The following SLC9A7 variants were observed in gnomAD, a reference collection of about 807,000 sequenced individuals.
SLC9A7 encodes sodium/hydrogen exchanger 7.
A neutral mutation model predicts 52.6 loss-of-function variants in SLC9A7; 19 were observed. The observed-to-expected ratio is 0.36, with a 90% CI of 0.25 to 0.53. The LOEUF (loss-of-function observed/expected upper bound fraction) is 0.53. SLC9A7 is among the 20% of genes least tolerant of loss of function. SLC9A7 has a pLI of 0.91. For missense variants in SLC9A7, 455 were observed against 597.9 expected (o/e 0.76, Z 2.49); for synonymous variants, 226 against 252.1 (o/e 0.90, Z 0.98).
chrX:46,621,114 A>T (rs1943039403), intron 14 of SLC9A7, 55 bp from the exon 15 acceptor site: 3 of 835,648 alleles, frequency 3.6e-6, no homozygotes, highest in Non-Finnish European at 5.2e-6. Context: ...TCTCAAAGAA[A>T]GGGGAAAAAA....
chrX:46,660,971 C>T (rs1943806844), intron 7 of SLC9A7, among the ~76,000 whole-genome samples: 1 of 109,217 alleles, frequency 9.2e-6, no homozygotes, highest in South Asian at 4.0e-4. Context: ...GGAACCAACC[C>T]AAATGTCCAA....
At chrX:46,635,958 A>T (rs925848074) in intron 12 of SLC9A7, among the ~76,000 whole-genome samples, 17 of 111,945 alleles carry the variant, frequency 1.5e-4, no homozygotes, top group African/African-American at 4.6e-4. Context: ...AATTTACATA[A>T]TTTTTTCAGA....
At chrX:46,679,853 A>G in intron 2 of SLC9A7, 98 bp from the exon 3 acceptor site, 1 of 543,396 alleles carries the variant, frequency 1.8e-6, no homozygotes, top group Non-Finnish European at 3.0e-6. Flanking sequence ...TAAAGTTTGA[A>G]TATTTAGAGC....
At chrX:46,669,535 T>C (rs1569514380) in intron 5 of SLC9A7, 72 bp downstream of exon 5, 3 of 547,322 alleles carry the variant, frequency 5.5e-6, no homozygotes, top group Non-Finnish European at 8.4e-6. Context: ...AAGTTAATGA[T>C]TGCTCTGAAC....
At chrX:46,615,483 T>C (rs937888258) in intron 15 of SLC9A7, among the ~76,000 whole-genome samples, 2 of 110,440 alleles carry the variant, frequency 1.8e-5, no homozygotes, top group African/African-American at 6.6e-5. Context: ...GCTCAGAAGA[T>C]GACAGAGGCT....
At chrX:46,654,715 C>T (rs1943641885) in intron 7 of SLC9A7, among the ~76,000 whole-genome samples, 1 of 110,910 alleles carries the variant, frequency 9.0e-6, no homozygotes, top group Non-Finnish European at 1.9e-5. Context: ...GAGACAGCTA[C>T]CAGGTGCTGG....
intron 15 of SLC9A7, among the ~76,000 whole-genome samples, chrX:46,618,468 C>G (rs1278698479): frequency 9.0e-6 from 1 of 110,576 alleles, no homozygotes; most frequent in Non-Finnish European, 1.9e-5. Context: ...ATTGCCCATG[C>G]TTGTCACTCA....
At chrX:46,654,638 C>A (rs778156565) in intron 7 of SLC9A7, among the ~76,000 whole-genome samples, 1 of 110,294 alleles carries the variant, frequency 9.1e-6, no homozygotes, top group African/African-American at 3.3e-5. Context: ...TGTGCACCAC[C>A]GAGGCCACCT....
chrX:46,723,987 A>G (rs1569523723), intron 1 of SLC9A7, among the ~76,000 whole-genome samples: 2 of 111,951 alleles, frequency 1.8e-5, no homozygotes, highest in Admixed American at 1.9e-4. Context: ...CAGTTACTTG[A>G]GAGGCTGAGG....
chrX:46,727,505 C>A lies in SLC9A7; in HGVS notation c.325+31200G>T, dbSNP rs1476628419. ...CACATGAAATATTAAAGGCCACAAG[C>A]CTCATCCAAACCACTCTCTTGATTC... On this transcript the variant is annotated intron_variant, in intron 1 of 16. Transcript: ENST00000616978. Among the ~76,000 whole-genome samples the A allele has an allele frequency of 2.7e-5, 3 of 112,106 alleles. No homozygotes were observed. The East Asian group carries it at 8.3e-4, about 31-fold the overall frequency.
chrX:46,662,338 C>G lies in SLC9A7; in HGVS notation c.900-181G>C, dbSNP rs778079254. Among the ~76,000 whole-genome samples the G allele has an allele frequency of 3.1e-3, 351 of 111,939 alleles. 1 individual carries two copies. Among genetic ancestry groups the G allele is most frequent in the African/African-American group, 0.011 (338 of 30,865 alleles). On this transcript the variant is annotated intron_variant, in intron 6 of 16. Transcript: ENST00000616978. ...TAAATTCATTTAATTTAATCTGCAG[C>G]CACCATGTTACGCTGGTGTCAGCAT...
intron 7 of SLC9A7, among the ~76,000 whole-genome samples, chrX:46,657,353 A>T (rs1218287646): frequency 9.1e-6 from 1 of 109,297 alleles, no homozygotes; most frequent in Non-Finnish European, 1.9e-5. Context: ...TAATGACAGG[A>T]TCAAATTCAC....
At chrX:46,673,120 C>T (rs930721578) in intron 3 of SLC9A7, among the ~76,000 whole-genome samples, 2 of 111,584 alleles carry the variant, frequency 1.8e-5, no homozygotes, top group Admixed American at 1.9e-4. Context: ...TAAATATCTG[C>T]TCATGGAACC....
At chrX:46,675,033 GAGAGAGAGAGAA>G (rs1462566855) in intron 3 of SLC9A7, among the ~76,000 whole-genome samples, 2 of 108,002 alleles carry the variant, frequency 1.9e-5, no homozygotes, top group Admixed American at 1.0e-4. Context: ...GAGTGAGGGA[GAGAGAGAGAGAA>G]AGAGAGAGAG....
chrX:46,710,560 A>T (rs772388435), intron 1 of SLC9A7, among the ~76,000 whole-genome samples: 8 of 108,499 alleles, frequency 7.4e-5, no homozygotes, highest in Middle Eastern at 4.2e-3. Context: ...TGCACCTGAG[A>T]TTCGTTTAGG....
intron 1 of SLC9A7, among the ~76,000 whole-genome samples, chrX:46,743,991 T>C (rs1473954762): frequency 8.9e-6 from 1 of 112,400 alleles, no homozygotes; most frequent in Non-Finnish European, 1.9e-5. Context: ...CTCTCTTACT[T>C]ATAAGAAATA....
chrX:46,753,101 G>A (rs1395057448), intron 1 of SLC9A7, among the ~76,000 whole-genome samples: 1 of 111,673 alleles, frequency 9.0e-6, no homozygotes, highest in Non-Finnish European at 1.9e-5. Flanking sequence ...AGAACATTTC[G>A]ACAATCCAAG....
chrX:46,713,565 A>G (rs1353754252), intron 1 of SLC9A7, among the ~76,000 whole-genome samples: 1 of 109,850 alleles, frequency 9.1e-6, no homozygotes, highest in Non-Finnish European at 1.9e-5. Flanking sequence ...TCTCCAGGAG[A>G]AATATTCTTG....
At chrX:46,726,378 C>T (rs746921530) in intron 1 of SLC9A7, among the ~76,000 whole-genome samples, 10 of 111,484 alleles carry the variant, frequency 9.0e-5, no homozygotes, top group African/African-American at 2.0e-4. Flanking sequence ...TAAGAAGAGC[C>T]CTTGGCCCCA....
Sources: allele counts gnomAD v4.1 joint callset (sites outside exome capture counted in the v4.1 genomes callset), GRCh38; gene constraint gnomAD v4.1.1; transcripts MANE v1.5; gene names NCBI Gene and HGNC (gene_info 2026-07-23, HGNC 2026-07-21).